Variants in EPN1 observed in about 807,000 individuals in gnomAD.
EPN1 encodes epsin-1.
EPN1 carries 25 observed loss-of-function variants against 56.9 expected under a neutral mutation model. That is an observed-to-expected ratio of 0.44 (90% CI 0.32 to 0.61). The LOEUF is 0.61. Ranked by LOEUF, EPN1 falls within the 20% of genes least tolerant of loss-of-function variation. The probability of loss-of-function intolerance (pLI) is 0.05; values close to 1 mark genes in which losing one functional copy is unlikely to be tolerated. For missense variants in EPN1, 785 were observed against 823.7 expected (o/e 0.95, Z 0.58); for synonymous variants, 411 against 361.8 (o/e 1.14, Z -1.54).
In EPN1 at chr19:55,692,790, A is replaced by C; in HGVS notation, c.1171A>C (p.Thr391Pro). The C allele has an allele frequency of 5.0e-6, 8 of 1,596,978 alleles. No individual in the cohort carries two copies. Among genetic ancestry groups the C allele is most frequent in the Non-Finnish European group, 6.8e-6 (8 of 1,171,146 alleles). ...GSPAKPSTNGTTAAGGFDTEP... is the reference protein window; with the variant it reads ...GSPAKPSTNGPTAAGGFDTEP... ...ACCTGCCAAGCCCAGCACCAATGGC[A>C]CAACAGGTACTGGAATGGGGGTGGG... The change falls in exon 8 of 11, where the codon ACA (threonine) becomes CCA (proline). Residue 391 changes from threonine (T) to proline (P), a missense_variant. Thr to Pro is a conservative substitution (Grantham distance 38). Transcript: ENST00000270460.
Position 55,691,860 on chromosome 19 carries a change from C to A in EPN1, c.869C>A (p.Ala290Asp). The change falls in exon 7 of 11, where the codon GCC becomes GAC. Residue 290 changes from alanine to aspartate, a missense_variant. Physicochemically the swap from Ala to Asp is moderately radical, Grantham distance 126. Around this residue, in one of 2 missense-constraint regions of EPN1, gnomAD observed 650 missense variants for 605.0 expected, o/e 1.07. Coordinates refer to ENST00000270460, the MANE Select transcript of EPN1 (RefSeq NM_001130072.2). This position sits in a 1 kb window ranked among gnomAD's most constrained non-coding sequence, Gnocchi z 5.6. ...APMAAAVPTAAPTSDPWGGPP... is the reference protein window; with the variant it reads ...APMAAAVPTADPTSDPWGGPP... ...ATGGCTGCTGCCGTCCCCACGGCTGCCCCCACCTCGGACCCCTGGGGCGGC... is the reference window on the plus strand; with the variant it reads ...ATGGCTGCTGCCGTCCCCACGGCTGACCCCACCTCGGACCCCTGGGGCGGC... The A allele has an allele frequency of 6.2e-7, 1 of 1,604,488 alleles. No homozygotes were observed. The highest frequency in any genetic ancestry group is 8.5e-7 in the Non-Finnish European group (1 of 1,174,434).
chr19:55,694,628 G>A lies in EPN1; in HGVS notation c.1265-98G>A. ...TCCTTCCCGAGGCCTCTGGGCACCGGGCTCTTTGAAGCGCCCCCTATGATG... is the reference window on the plus strand; with the variant it reads ...TCCTTCCCGAGGCCTCTGGGCACCGAGCTCTTTGAAGCGCCCCCTATGATG... On this transcript the variant is annotated intron_variant, in intron 9 of 10. Transcript: ENST00000270460. This position sits in a 1 kb window ranked among gnomAD's most constrained non-coding sequence, Gnocchi z 4.2. 3 of 1,408,640 alleles carry A rather than the reference G, an allele frequency of 2.1e-6. No homozygotes were observed. Among genetic ancestry groups the A allele is most frequent in the Non-Finnish European group, 2.8e-6 (3 of 1,071,808 alleles). The allele number at this position is 1,408,640 out of a possible 1,614,324, so 87.3% of individuals were successfully genotyped here. A position where few individuals can be genotyped will look rare whatever the true frequency, so the allele number is the denominator to read the frequency against.
At position 55,696,262 on chromosome 19, in the gene EPN1, C is replaced by T. The variant is rs1367001971; in HGVS notation, c.*906C>T. On this transcript the variant is annotated 3_prime_UTR_variant, in exon 11 of 11. Coordinates refer to ENST00000270460, the MANE Select transcript of EPN1 (RefSeq NM_001130072.2). ...CTGGTTGTCCTCTGTGTGCTGTTTT[C>T]CTCTGTGTGCTCTTGTCCTGGGCTG... 1.3e-5 allele frequency: 2 copies of T among 152,380 alleles called. No individual in the cohort carries two copies. Among genetic ancestry groups the T allele is most frequent in the South Asian group, 2.1e-4 (1 of 4,834 alleles). The allele number at this position is 152,380 out of a possible 1,614,324, so 9.4% of individuals were successfully genotyped here. A position where few individuals can be genotyped will look rare whatever the true frequency, so the allele number is the denominator to read the frequency against.
At position 55,689,692 on chromosome 19, in the gene EPN1, C is replaced by T. The variant is rs947639035; in HGVS notation, c.679-175C>T. Reference sequence around the variant, plus strand: ...ACCCCACTCCCCTTATCCCCTGTCCCGCCTGACCTTTGACCCAGGTGCCCC... The same window carrying T: ...ACCCCACTCCCCTTATCCCCTGTCCTGCCTGACCTTTGACCCAGGTGCCCC... On this transcript the variant is annotated intron_variant, in intron 5 of 10. Transcript: ENST00000270460. This position sits in a 1 kb window ranked among gnomAD's most constrained non-coding sequence, Gnocchi z 5.7. Among the ~76,000 whole-genome samples the T allele has an allele frequency of 1.6e-4, 24 of 152,342 alleles. No individual in the cohort carries two copies. The highest frequency in any genetic ancestry group is 8.3e-4 in the South Asian group (4 of 4,822).
In EPN1 at chr19:55,706,168, TTCTTCC is replaced by T. The variant is rs200271980; in HGVS notation, c.*10821_*10826del. ...TTCTTCCTCCTCCTCCTCTCTTTTC[TTCTTCC>T]TCTTCCTCCTTTTTCTCCTCCTTTC... On this transcript the variant is annotated 3_prime_UTR_variant, in exon 11 of 11. Coordinates refer to ENST00000270460, the MANE Select transcript of EPN1 (RefSeq NM_001130072.2). 946 of 175,018 alleles carry T rather than the reference TTCTTCC, an allele frequency of 5.4e-3. 9 individuals are homozygous for T. Among genetic ancestry groups the T allele is most frequent in the African/African-American group, 0.02 (827 of 41,680 alleles). The allele number at this position is 175,018 out of a possible 1,614,324, so 10.8% of individuals were successfully genotyped here.
chr19:55,704,889 G>C lies in EPN1; in HGVS notation c.*9533G>C, dbSNP rs1170868634. On this transcript the variant is annotated 3_prime_UTR_variant, in exon 11 of 11. Coordinates refer to ENST00000270460, the MANE Select transcript of EPN1 (RefSeq NM_001130072.2). ...TCCCTGGGAAATAAGCATCGCAAGT[G>C]ATCCGTAGAATGGTAGACATCATCC... 1 of 152,350 alleles carries C rather than the reference G, an allele frequency of 6.6e-6. No individual in the cohort carries two copies. Among genetic ancestry groups the C allele is most frequent in the Non-Finnish European group, 1.5e-5 (1 of 68,146 alleles). The allele number at this position is 152,350 out of a possible 1,614,324, so 9.4% of individuals were successfully genotyped here.
chr19:55,681,791 T>G (rs1196032003), intron 2 of EPN1, among the ~76,000 whole-genome samples: 1 of 151,886 alleles, frequency 6.6e-6, no homozygotes, highest in East Asian at 1.9e-4. Flanking sequence ...AATAATGACT[T>G]ATTTTGCAAA....
In EPN1 at chr19:55,701,959, CTTTTTTTTTTT is replaced by C. The variant is rs1160028473; in HGVS notation, c.*6613_*6623del. The C allele has an allele frequency of 9.0e-6, 1 of 110,848 alleles. No homozygotes were observed. The highest frequency in any genetic ancestry group is 4.0e-5 in the African/African-American group (1 of 24,986). The allele number at this position is 110,848 out of a possible 1,614,324, so 6.9% of individuals were successfully genotyped here. ...AGTCTCTAGCAGCCCCCACCCCATT[CTTTTTTTTTTT>C]TTTTTTTTTGAGATGGAGTCTCGCT... is the stretch of plus-strand genomic sequence containing the variant. On this transcript the variant is annotated 3_prime_UTR_variant, in exon 11 of 11. Transcript: ENST00000270460.
chr19:55,685,410 G>A lies in EPN1; in HGVS notation c.243G>A (p.Met81Ile). Reference protein sequence around the residue: ...WRHVYKAMTLMEYLIKTGSER... With the variant: ...WRHVYKAMTLIEYLIKTGSER... ...CCCGCTCGCAGGCCATGACGCTGATGGAGTACCTCATCAAGACCGGCTCGG... is the reference window on the plus strand; with the variant it reads ...CCCGCTCGCAGGCCATGACGCTGATAGAGTACCTCATCAAGACCGGCTCGG... The change falls in exon 3 of 11, where the codon ATG becomes ATA. Residue 81 changes from methionine (M) to isoleucine (I), a missense_variant. This residue lies in a region of EPN1 where 135 missense variants were observed against 218.7 expected (regional missense o/e 0.62). Coordinates refer to ENST00000270460, the MANE Select transcript of EPN1 (RefSeq NM_001130072.2). 1.2e-6 allele frequency: 2 copies of A among 1,611,238 alleles called. No individual in the cohort carries two copies. Among genetic ancestry groups the A allele is most frequent in the Non-Finnish European group, 1.7e-6 (2 of 1,179,006 alleles).
At position 55,685,516 on chromosome 19, in the gene EPN1, A is replaced by C. The variant is rs1272621267; in HGVS notation, c.349A>C (p.Lys117Gln). ...KDFQYVDRDG[K>Q]DQGVNVREKA... is the part of the protein sequence containing the mutation. ...CTTCCAGTACGTGGACCGCGACGGC[A>C]AGGACCAGGGCGTGAACGTGCGTGA... is the stretch of plus-strand genomic sequence containing the variant. The change falls in exon 3 of 11, where the codon AAG becomes CAG. Residue 117 changes from lysine to glutamine, a missense_variant. Lys to Gln is a moderately conservative substitution (Grantham distance 53). Coordinates refer to ENST00000270460, the MANE Select transcript of EPN1 (RefSeq NM_001130072.2). 1 of 1,612,964 alleles carries C rather than the reference A, an allele frequency of 6.2e-7. No homozygotes were observed. Among genetic ancestry groups the C allele is most frequent in the Non-Finnish European group, 8.5e-7 (1 of 1,179,506 alleles).
chr19:55,685,328 G>A (rs931992131), intron 2 of EPN1, 68 bp from the exon 3 acceptor site: 13 of 1,551,776 alleles, frequency 8.4e-6, no homozygotes, highest in South Asian at 4.7e-5. Context: ...CAGAGCCCGC[G>A]TCGCAGGCAG....
chr19:55,691,410 T>G lies in EPN1; in HGVS notation c.763-344T>G, dbSNP rs1303191875. 6.6e-6 allele frequency among the ~76,000 whole-genome samples: 1 copy of G among 151,746 alleles called. No individual in the cohort carries two copies. Among genetic ancestry groups the G allele is most frequent in the Non-Finnish European group, 1.5e-5 (1 of 67,902 alleles). ...GGTCGAGCGAGGGGAGGGCTTGGCC[T>G]CCATCCTCAGTCAGGGCCGGGCAAG... is the stretch of plus-strand genomic sequence containing the variant. On this transcript the variant is annotated intron_variant, in intron 6 of 10. Transcript: ENST00000270460. This position sits in a 1 kb window ranked among gnomAD's most constrained non-coding sequence, Gnocchi z 5.6.
intron 1 of EPN1, 113 bp from the exon 2 acceptor site, chr19:55,678,414 G>T: frequency 9.0e-7 from 1 of 1,111,102 alleles, no homozygotes. Flanking sequence ...AGACCTAGAG[G>T]TTAACAAGGG....
At position 55,694,699 on chromosome 19, in the gene EPN1, C is replaced by T; in HGVS notation, c.1265-27C>T. 3 of 1,537,928 alleles carry T rather than the reference C, an allele frequency of 2.0e-6. No homozygotes were observed. The highest frequency in any genetic ancestry group is 2.6e-6 in the Non-Finnish European group (3 of 1,142,238). On this transcript the variant is annotated intron_variant, in intron 9 of 10. Coordinates refer to ENST00000270460, the MANE Select transcript of EPN1 (RefSeq NM_001130072.2). The surrounding 1 kb of genome is among the most constrained non-coding windows in gnomAD (Gnocchi z 4.2). ...GGAGCCTCACTGCTGTCTGCCCTGTCTGAGCCCCTCTCCCGGATCCTTCCA... is the reference window on the plus strand; with the variant it reads ...GGAGCCTCACTGCTGTCTGCCCTGTTTGAGCCCCTCTCCCGGATCCTTCCA...
chr19:55,694,996 C>T lies in EPN1; in HGVS notation c.1522+13C>T. On this transcript the variant is annotated intron_variant, in intron 10 of 10. Coordinates refer to ENST00000270460, the MANE Select transcript of EPN1 (RefSeq NM_001130072.2). This position sits in a 1 kb window ranked among gnomAD's most constrained non-coding sequence, Gnocchi z 4.2. ...TTCCTGCCAGGCGGTGAGTGTGGGCCCATCACCTGCTCAAGTCCTTCCTGT... is the reference window on the plus strand; with the variant it reads ...TTCCTGCCAGGCGGTGAGTGTGGGCTCATCACCTGCTCAAGTCCTTCCTGT... The T allele has an allele frequency of 6.4e-7, 1 of 1,557,882 alleles. No individual in the cohort carries two copies. Among genetic ancestry groups the T allele is most frequent in the Non-Finnish European group, 8.7e-7 (1 of 1,152,710 alleles).
chr19:55,692,575 G>A (rs1004595777), intron 7 of EPN1, 111 bp from the exon 8 acceptor site: 8 of 676,478 alleles, frequency 1.2e-5, no homozygotes, highest in Admixed American at 3.3e-5. Flanking sequence ...GGGTTTCTGG[G>A]GGGCAGGGGG....
chr19:55,688,739 C>T, intron 3 of EPN1, 131 bp from the exon 4 acceptor site: 1 of 1,344,200 alleles, frequency 7.4e-7, no homozygotes, highest in Non-Finnish European at 1.0e-6. Flanking sequence ...TAGTCTTGGC[C>T]TGCAGAGGTT....
chr19:55,687,873 C>T (rs1428954818), intron 3 of EPN1, among the ~76,000 whole-genome samples: 1 of 152,160 alleles, frequency 6.6e-6, no homozygotes, highest in Non-Finnish European at 1.5e-5. Context: ...CCCCTGGACC[C>T]GGTGCAGGTG....
chr19:55,689,434 C>G lies in EPN1; in HGVS notation c.678+63C>G. 1 of 1,309,064 alleles carries G rather than the reference C, an allele frequency of 7.6e-7. No individual in the cohort carries two copies. Among genetic ancestry groups the G allele is most frequent in the Non-Finnish European group, 1.1e-6 (1 of 928,942 alleles). 81.1% of individuals were successfully genotyped at this position (1,309,064 alleles called of 1,614,324 possible). A position where few individuals can be genotyped will look rare whatever the true frequency, so the allele number is the denominator to read the frequency against. The stretch of plus-strand genomic sequence containing the variant: ...CTCCCCTCAGACCAGCCCCGTCGCC[C>G]CTTCCTAAGTCACCCCCCACCATCC... On this transcript the variant is annotated intron_variant, in intron 5 of 10. Coordinates refer to ENST00000270460, the MANE Select transcript of EPN1 (RefSeq NM_001130072.2). The surrounding 1 kb of genome is among the most constrained non-coding windows in gnomAD (Gnocchi z 5.7).
Sources: allele counts gnomAD v4.1 joint callset (sites outside exome capture counted in the v4.1 genomes callset), GRCh38; gene constraint gnomAD v4.1.1; regional missense constraint gnomAD v4.1.1; non-coding constraint Gnocchi (gnomAD v3.1); transcripts MANE v1.5; gene names NCBI Gene and HGNC (gene_info 2026-07-23, HGNC 2026-07-21).